Variants in SRRM4 observed in about 807,000 individuals in gnomAD.
SRRM4 encodes serine/arginine repetitive matrix protein 4.
Under a neutral mutation model 68.9 loss-of-function variants are expected in SRRM4, and 33 were observed. That is an observed-to-expected ratio of 0.48 (90% CI 0.36 to 0.64). SRRM4 has a LOEUF of 0.64. Ranked by LOEUF, SRRM4 falls within the 30% of genes least tolerant of loss-of-function variation. SRRM4 has a pLI of 0.00. For missense variants in SRRM4, 817 were observed against 827.1 expected, an observed-to-expected ratio of 0.99 and a Z score of 0.15; for synonymous variants, 318 against 318.8, an observed-to-expected ratio of 1.00 and a Z score of 0.03.
At chr12:119,056,845 T>C (rs1045363415) in intron 1 of SRRM4, among the ~76,000 whole-genome samples, 4 of 152,196 alleles carry the variant, frequency 2.6e-5, no homozygotes, top group African/African-American at 9.6e-5. Flanking sequence ...AATATCTGTC[T>C]CCCATGCTAA....
At chr12:119,120,563 C>T (rs1221492375) in intron 5 of SRRM4, among the ~76,000 whole-genome samples, 1 of 152,132 alleles carries the variant, frequency 6.6e-6, no homozygotes, top group East Asian at 1.9e-4. Context: ...GAATCTTGAA[C>T]TGGGGCACAT....
At chr12:118,991,992 CG>C (rs1369299302) in intron 1 of SRRM4, among the ~76,000 whole-genome samples, 3 of 152,182 alleles carry the variant, frequency 2.0e-5, no homozygotes, top group African/African-American at 7.2e-5. Context: ...GGTTTGATAA[CG>C]TGCTTAACAT....
intron 1 of SRRM4, among the ~76,000 whole-genome samples, chr12:118,990,321 A>G (rs555807896): frequency 6.6e-6 from 1 of 152,296 alleles, no homozygotes; most frequent in South Asian, 2.1e-4. Flanking sequence ...GAGTCTCTAG[A>G]TGAGAAACCT....
chr12:119,144,326 G>T (rs982103554), intron 8 of SRRM4, among the ~76,000 whole-genome samples: 1 of 152,146 alleles, frequency 6.6e-6, no homozygotes, highest in Non-Finnish European at 1.5e-5. Flanking sequence ...GGATTGATTA[G>T]GTTGGCTAGG....
intron 7 of SRRM4, among the ~76,000 whole-genome samples, chr12:119,126,398 T>C (rs1259045542): frequency 6.6e-6 from 1 of 152,132 alleles, no homozygotes; most frequent in Non-Finnish European, 1.5e-5. Context: ...GTTATCCCCA[T>C]TTTAAATATG....
intron 1 of SRRM4, among the ~76,000 whole-genome samples, chr12:119,012,033 G>C (rs1170663028): frequency 6.6e-6 from 1 of 152,174 alleles, no homozygotes; most frequent in Non-Finnish European, 1.5e-5. Context: ...CTCAGTAAAT[G>C]GTTGCCATAA....
At chr12:119,109,899 C>T (rs1171892399) in intron 2 of SRRM4, among the ~76,000 whole-genome samples, 1 of 152,224 alleles carries the variant, frequency 6.6e-6, no homozygotes, top group Admixed American at 6.5e-5. Flanking sequence ...GGAGAAGAGG[C>T]TCTCTGATTT....
chr12:119,032,526 C>G (rs1172538675), intron 1 of SRRM4, among the ~76,000 whole-genome samples: 2 of 151,710 alleles, frequency 1.3e-5, no homozygotes, highest in African/African-American at 4.8e-5. Context: ...ATAAATCTCA[C>G]TGGTTGTGGC....
intron 1 of SRRM4, among the ~76,000 whole-genome samples, chr12:119,028,228 C>G (rs749834021): frequency 6.6e-6 from 1 of 152,318 alleles, no homozygotes; most frequent in South Asian, 2.1e-4. Context: ...GGAAGGGTGA[C>G]TACCCCCATT....
At chr12:119,039,231 C>T (rs1174490796) in intron 1 of SRRM4, among the ~76,000 whole-genome samples, 3 of 152,186 alleles carry the variant, frequency 2.0e-5, no homozygotes, top group Non-Finnish European at 4.4e-5. Context: ...AGCTCAGTGA[C>T]GTTGCAGTCA....
At chr12:118,986,793 A>T (rs1953284848) in intron 1 of SRRM4, among the ~76,000 whole-genome samples, 2 of 152,208 alleles carry the variant, frequency 1.3e-5, no homozygotes, top group South Asian at 4.1e-4. Flanking sequence ...CACCAAAAAA[A>T]GGGAACATCC....
At chr12:119,113,589 T>A (rs1426190501) in intron 2 of SRRM4, among the ~76,000 whole-genome samples, 1 of 152,200 alleles carries the variant, frequency 6.6e-6, no homozygotes, top group Non-Finnish European at 1.5e-5. Context: ...TTCCACTAGG[T>A]TGGCATGTTC....
In SRRM4 at chr12:119,125,459, C is replaced by A. The variant is rs1399951495; in HGVS notation, c.594C>A (p.Arg198=). 6.2e-7 allele frequency: 1 copy of A among 1,607,700 alleles called. No homozygotes were observed. The highest frequency in any genetic ancestry group is 1.1e-5 in the South Asian group (1 of 90,418). ...CGCGGTCCCAGAGCTCGGAGTCCCG[C>A]CCCTCAAGCTGTGAGAGCAGGTAAC... is the stretch of plus-strand genomic sequence containing the variant. ...CPSRSQSSES[R]PSSCESRHRG... Residue 198 remains arginine (R), a synonymous_variant, in exon 7 of 13, where the codon CGC becomes CGA. Transcript: ENST00000267260.
intron 1 of SRRM4, among the ~76,000 whole-genome samples, chr12:119,048,135 T>C (rs895228967): frequency 2.0e-5 from 3 of 152,186 alleles, no homozygotes; most frequent in Admixed American, 1.3e-4. Flanking sequence ...ACCCCTGTTT[T>C]ACAAACCCTG....
chr12:119,047,030 T>TAAAA (rs11415940), intron 1 of SRRM4, among the ~76,000 whole-genome samples: 2 of 122,214 alleles, frequency 1.6e-5, no homozygotes. Context: ...AGATCCCGTC[T>TAAAA]AAAAAAAAAA....
chr12:119,023,568 A>C (rs1200916681), intron 1 of SRRM4, among the ~76,000 whole-genome samples: 1 of 152,226 alleles, frequency 6.6e-6, no homozygotes, highest in African/African-American at 2.4e-5. Context: ...CCTTACCATC[A>C]GGCTCTGGTC....
chr12:118,982,669 G>GTTTTTTTT (rs10533651), intron 1 of SRRM4, among the ~76,000 whole-genome samples: 5 of 115,716 alleles, frequency 4.3e-5, no homozygotes, highest in South Asian at 3.0e-4. Context: ...GTTTTATTTT[G>GTTTTTTTT]TTTTTTTTTG....
chr12:119,013,586 A>G (rs1469209108), intron 1 of SRRM4, among the ~76,000 whole-genome samples: 1 of 152,202 alleles, frequency 6.6e-6, no homozygotes, highest in Non-Finnish European at 1.5e-5. Context: ...TGAAAATACA[A>G]TGTATTATGC....
chr12:119,113,533 G>A lies in SRRM4; in HGVS notation c.279-745G>A, dbSNP rs541705696. 4.6e-5 allele frequency among the ~76,000 whole-genome samples: 7 copies of A among 152,288 alleles called. No homozygotes were observed. The East Asian group carries it at 1.4e-3, about 29-fold the overall frequency. ...CATAAATGCTAGTTGTGTCACTGCT[G>A]AAATAATGACAATATTAGTAGTAAG... On this transcript the variant is annotated intron_variant, in intron 2 of 12. Coordinates refer to ENST00000267260, the MANE Select transcript of SRRM4 (RefSeq NM_194286.4).
Sources: allele counts gnomAD v4.1 joint callset (sites outside exome capture counted in the v4.1 genomes callset), GRCh38; gene constraint gnomAD v4.1.1; transcripts MANE v1.5; gene names NCBI Gene and HGNC (gene_info 2026-07-23, HGNC 2026-07-21).